DLGAP2: variants seen among roughly 807,000 people sequenced by gnomAD.
DLGAP2 encodes DLG associated protein 2, also known as disks large-associated protein 2.
A neutral mutation model predicts 100.3 loss-of-function variants in DLGAP2; 26 were observed. That is an observed-to-expected ratio of 0.26 (90% CI 0.19 to 0.36). The LOEUF is 0.36. Ranked by LOEUF, DLGAP2 falls within the 10% of genes least tolerant of loss-of-function variation. The pLI is 1.00. For synonymous variants in DLGAP2, 886 were observed against 630.1 expected, an observed-to-expected ratio of 1.41 and a Z score of -6.08; for missense variants, 1,858 against 1,453.2, an observed-to-expected ratio of 1.28 and a Z score of -4.53.
At chr8:1,659,108 C>A (rs1251543058) in intron 8 of DLGAP2, among the ~76,000 whole-genome samples, 4 of 152,174 alleles carry the variant, frequency 2.6e-5, no homozygotes, top group Non-Finnish European at 5.9e-5. Context: ...ACCCAGTAGT[C>A]ATTCAGGAGC....
At chr8:1,107,023 C>T (rs1474475138) in intron 2 of DLGAP2, among the ~76,000 whole-genome samples, 1 of 152,182 alleles carries the variant, frequency 6.6e-6, no homozygotes, top group Non-Finnish European at 1.5e-5. Context: ...CTGTATACAG[C>T]ATCTAGCAGG....
intron 2 of DLGAP2, among the ~76,000 whole-genome samples, chr8:1,139,045 A>G (rs1486926502): frequency 6.6e-6 from 1 of 152,206 alleles, no homozygotes; most frequent in East Asian, 1.9e-4. Context: ...GTTCTAGTTG[A>G]AGGAACTTTT....
chr8:1,475,629 G>A (rs1163821404), intron 3 of DLGAP2, among the ~76,000 whole-genome samples: 1 of 152,128 alleles, frequency 6.6e-6, no homozygotes, highest in Non-Finnish European at 1.5e-5. Flanking sequence ...CATAATTCAG[G>A]AACATTGCTT....
At chr8:1,173,551 C>G (rs1010338509) in intron 2 of DLGAP2, among the ~76,000 whole-genome samples, 2 of 152,160 alleles carry the variant, frequency 1.3e-5, no homozygotes, top group African/African-American at 4.8e-5. Flanking sequence ...TGGAGCTTCC[C>G]GGTTGCTTTG....
At chr8:1,411,815 G>A (rs1675299844) in intron 3 of DLGAP2, among the ~76,000 whole-genome samples, 1 of 152,202 alleles carries the variant, frequency 6.6e-6, no homozygotes, top group Non-Finnish European at 1.5e-5. Context: ...CTCACTAAGG[G>A]TGAATTTTCC....
chr8:787,373 C>A (rs1433157954), intron 1 of DLGAP2, among the ~76,000 whole-genome samples: 2 of 152,208 alleles, frequency 1.3e-5, no homozygotes, highest in African/African-American at 4.8e-5. Flanking sequence ...CCCTGGTTAG[C>A]CATGCTCGTT....
chr8:1,549,656 C>G lies in DLGAP2; in HGVS notation c.1203C>G (p.Pro401=), dbSNP rs774698555. The G allele has an allele frequency of 1.9e-6, 3 of 1,564,170 alleles. No individual in the cohort carries two copies. Among genetic ancestry groups the G allele is most frequent in the Non-Finnish European group, 8.7e-7 (1 of 1,154,698 alleles). The change falls in exon 5 of 15, where the codon CCC becomes CCG. Residue 401 remains proline, a synonymous_variant. Transcript: ENST00000637795. Reference sequence around the variant, plus strand: ...CGCTGCTGCACCAGGACGCCAAGCCCGCCCTGAGGCCGTGCCACTACCTCC... The same window carrying G: ...CGCTGCTGCACCAGGACGCCAAGCCGGCCCTGAGGCCGTGCCACTACCTCC... ...DKPLLHQDAK[P]ALRPCHYLQV...
At chr8:850,974 T>C (rs189045514) in intron 1 of DLGAP2, among the ~76,000 whole-genome samples, 5 of 152,308 alleles carry the variant, frequency 3.3e-5, no homozygotes, top group African/African-American at 9.6e-5. Flanking sequence ...AAAGAGGCCA[T>C]GTACAGAGCT....
At chr8:1,685,412 T>C (rs1473537825) in intron 12 of DLGAP2, among the ~76,000 whole-genome samples, 2 of 152,338 alleles carry the variant, frequency 1.3e-5, no homozygotes, top group South Asian at 2.1e-4. Context: ...TAGGGGTCAA[T>C]GTATCACACA....
intron 2 of DLGAP2, among the ~76,000 whole-genome samples, chr8:1,039,809 G>T (rs1284345788): frequency 6.9e-6 from 1 of 145,290 alleles, no homozygotes; most frequent in Non-Finnish European, 1.5e-5. Flanking sequence ...GGTTTCCGTG[G>T]TCGGCTCGGT....
At chr8:1,590,696 G>T (rs1466009524) in intron 6 of DLGAP2, among the ~76,000 whole-genome samples, 5 of 152,138 alleles carry the variant, frequency 3.3e-5, no homozygotes, top group African/African-American at 9.7e-5. Context: ...TAAGAAATTG[G>T]TTGCTCAAAA....
intron 4 of DLGAP2, among the ~76,000 whole-genome samples, chr8:1,542,656 G>C (rs1328314027): frequency 6.6e-6 from 1 of 152,210 alleles, no homozygotes; most frequent in Non-Finnish European, 1.5e-5. Flanking sequence ...CAGCATTGAG[G>C]TCGTCTCCAC....
chr8:1,637,533 C>T (rs1261793983), intron 8 of DLGAP2, among the ~76,000 whole-genome samples: 1 of 151,970 alleles, frequency 6.6e-6, no homozygotes, highest in Non-Finnish European at 1.5e-5. Flanking sequence ...TTTCAGTAAA[C>T]AAATGACCAG....
intron 4 of DLGAP2, among the ~76,000 whole-genome samples, chr8:1,519,710 C>A (rs113729259): frequency 6.6e-6 from 1 of 152,236 alleles, no homozygotes; most frequent in East Asian, 1.9e-4. Flanking sequence ...GATCCGTATG[C>A]ACTTGCCTGC....
At chr8:945,267 G>A (rs997030391) in intron 2 of DLGAP2, among the ~76,000 whole-genome samples, 1 of 152,172 alleles carries the variant, frequency 6.6e-6, no homozygotes, top group African/African-American at 2.4e-5. Context: ...CTGCACTCCT[G>A]TCTATGTCCT....
chr8:769,676 T>C (rs1489126090), intron 1 of DLGAP2, among the ~76,000 whole-genome samples: 3 of 152,162 alleles, frequency 2.0e-5, no homozygotes, highest in Non-Finnish European at 1.5e-5. Flanking sequence ...TTGCACATCC[T>C]AGACGGTAGC....
intron 4 of DLGAP2, among the ~76,000 whole-genome samples, chr8:1,528,479 G>A (rs1800870915): frequency 6.6e-6 from 1 of 152,206 alleles, no homozygotes; most frequent in Non-Finnish European, 1.5e-5. Context: ...TCAAAGGGCG[G>A]TGCCTCCACC....
At chr8:1,564,551 C>G (rs1238170810) in intron 5 of DLGAP2, among the ~76,000 whole-genome samples, 1 of 152,210 alleles carries the variant, frequency 6.6e-6, no homozygotes, top group Non-Finnish European at 1.5e-5. Context: ...AGATATATAG[C>G]AAGTACATGG....
chr8:1,347,515 G>C (rs1801593352), intron 3 of DLGAP2, among the ~76,000 whole-genome samples: 1 of 152,020 alleles, frequency 6.6e-6, no homozygotes, highest in South Asian at 2.1e-4. Context: ...CCCACATAGA[G>C]CTACATTGCA....
Sources: gnomAD v4.1 joint callset for allele counts (sites outside exome capture counted in the v4.1 genomes callset) on GRCh38, gnomAD v4.1.1 for gene constraint, MANE v1.5 for transcripts, NCBI Gene and HGNC (gene_info 2026-07-23, HGNC 2026-07-21) for gene names.